The following FAM107B variants were observed in gnomAD, a reference collection of about 807,000 sequenced individuals.
The protein encoded by FAM107B is family with sequence similarity 107 member B, also known as protein FAM107B.
In FAM107B, 21 loss-of-function variants were observed where a neutral mutation model predicts 31.5. The ratio of observed to expected loss-of-function variants is 0.67; its 90% confidence interval spans 0.47 to 0.96. The LOEUF (loss-of-function observed/expected upper bound fraction) is 0.96. Among genes scored for constraint, FAM107B ranks in the 40% least tolerant of loss-of-function variants. The pLI is 0.00. For synonymous variants in FAM107B, 157 were observed against 141.5 expected, an observed-to-expected ratio of 1.11 and a Z score of -0.78; for missense variants, 452 against 377.1, an observed-to-expected ratio of 1.20 and a Z score of -1.64.
rs181656445 is a variant in FAM107B, at chr10:14,693,935, T to G, written c.412-26244A>C. 6.9e-4 allele frequency among the ~76,000 whole-genome samples: 105 copies of G among 152,368 alleles called. 1 individual carries two copies. The highest frequency in any genetic ancestry group is 8.8e-5 in the Non-Finnish European group (6 of 68,036). ...TCTATGTACAGTATTTGTTGTTGGT[T>G]TTTTTAGATTCCACATGAAAATTTG... On this transcript the variant is annotated intron_variant, in intron 1 of 4. Transcript: ENST00000181796.
intron 2 of FAM107B, among the ~76,000 whole-genome samples, chr10:14,629,458 T>A (rs7475993): frequency 0.28 from 15,103 of 53,582 alleles, 2,890 homozygotes; most frequent in East Asian, 0.6. Flanking sequence ...ATATATATAT[T>A]ATATATATAT....
intron 1 of FAM107B, among the ~76,000 whole-genome samples, chr10:14,684,152 T>C (rs1169302664): frequency 6.6e-6 from 1 of 152,142 alleles, no homozygotes; most frequent in African/African-American, 2.4e-5. Context: ...CTGGGGTCTC[T>C]TTTAAACTGG....
In FAM107B at chr10:14,580,526, A is replaced by G. The variant is rs150824891; in HGVS notation, c.470-50011T>C. On this transcript the variant is annotated intron_variant, in intron 2 of 4. Coordinates refer to ENST00000181796, the MANE Select transcript of FAM107B (RefSeq NM_031453.4). ...ATACTATACATTCTTAGAAAAAAAA[A>G]TAAGTATCCATCTTCTCAAGGAAAA... Among the ~76,000 whole-genome samples, 1,024 of 152,300 alleles carry G rather than the reference A, an allele frequency of 6.7e-3. 10 individuals are homozygous for G. The highest frequency in any genetic ancestry group is 0.02 in the Middle Eastern group (6 of 294).
chr10:14,526,529 T>C (rs1253947719), intron 3 of FAM107B, among the ~76,000 whole-genome samples: 1 of 152,244 alleles, frequency 6.6e-6, no homozygotes, highest in Non-Finnish European at 1.5e-5. Flanking sequence ...GCCTGCCTCA[T>C]TTACATTTCT....
intron 1 of FAM107B, among the ~76,000 whole-genome samples, chr10:14,761,316 C>T (rs1332301758): frequency 6.6e-6 from 1 of 152,178 alleles, no homozygotes; most frequent in Non-Finnish European, 1.5e-5. Flanking sequence ...GACAAATCAG[C>T]ATTTGCAATA....
At chr10:14,749,972 C>T (rs879490521) in intron 1 of FAM107B, among the ~76,000 whole-genome samples, 1 of 152,154 alleles carries the variant, frequency 6.6e-6, no homozygotes. Context: ...GCAGGAGGCA[C>T]CTCAGAGGCC....
At chr10:14,628,629 C>T (rs754115681) in intron 2 of FAM107B, among the ~76,000 whole-genome samples, 12 of 151,982 alleles carry the variant, frequency 7.9e-5, no homozygotes, top group Non-Finnish European at 1.6e-4. Context: ...AGGTTAGATC[C>T]GAGTCAAGTC....
intron 2 of FAM107B, among the ~76,000 whole-genome samples, chr10:14,614,352 C>G (rs148292719): frequency 4.9e-4 from 74 of 151,940 alleles, no homozygotes; most frequent in African/African-American, 1.7e-3. Flanking sequence ...ATTTAGTGGT[C>G]GGGGAGCTGC....
chr10:14,729,529 G>A (rs1176517121), intron 1 of FAM107B, among the ~76,000 whole-genome samples: 7 of 152,028 alleles, frequency 4.6e-5, no homozygotes, highest in Non-Finnish European at 2.9e-5. Context: ...GATAAAGGGA[G>A]GGATCAACAC....
chr10:14,583,425 C>T (rs1253885779), intron 2 of FAM107B, among the ~76,000 whole-genome samples: 2 of 152,176 alleles, frequency 1.3e-5, no homozygotes, highest in Non-Finnish European at 2.9e-5. Flanking sequence ...GACCGCAGCA[C>T]AGACCACAGA....
At chr10:14,545,876 T>G (rs748072734) in intron 2 of FAM107B, among the ~76,000 whole-genome samples, 5 of 152,232 alleles carry the variant, frequency 3.3e-5, no homozygotes, top group Non-Finnish European at 5.9e-5. Context: ...CGGTCATTCA[T>G]CTCAGGAAAC....
At chr10:14,571,378 TCAGAGAAAATGCATAATTATC>T (rs1462658284) in intron 2 of FAM107B, among the ~76,000 whole-genome samples, 3 of 152,164 alleles carry the variant, frequency 2.0e-5, no homozygotes, top group Non-Finnish European at 4.4e-5. Flanking sequence ...ATAGATATCT[TCAGAGAAAATGCATAATTATC>T]AGGATCCTAG....
intron 2 of FAM107B, among the ~76,000 whole-genome samples, chr10:14,622,207 G>A (rs900871979): frequency 1.3e-5 from 2 of 152,102 alleles, no homozygotes; most frequent in Non-Finnish European, 2.9e-5. Context: ...TGAGGTCACT[G>A]CCCTCAGCAG....
Position 14,521,021 on chromosome 10 carries a change from T to G in FAM107B, c.*169A>C. Reference sequence around the variant, plus strand: ...ATTTGGCGAATAGGAACTGCAACTGTCACAGGCAAGGCATCCACCCAGATC... The same window carrying G: ...ATTTGGCGAATAGGAACTGCAACTGGCACAGGCAAGGCATCCACCCAGATC... On this transcript the variant is annotated 3_prime_UTR_variant, in exon 5 of 5. Transcript: ENST00000181796. 1 of 594,720 alleles carries G rather than the reference T, an allele frequency of 1.7e-6. No individual in the cohort carries two copies. Among genetic ancestry groups the G allele is most frequent in the Middle Eastern group, 4.6e-4 (1 of 2,160 alleles). The allele number at this position is 594,720 out of a possible 1,614,324, so 36.8% of individuals were successfully genotyped here. A position where few individuals can be genotyped will look rare whatever the true frequency, so the allele number is the denominator to read the frequency against.
At chr10:14,564,625 G>A (rs1030361959) in intron 2 of FAM107B, among the ~76,000 whole-genome samples, 1 of 151,848 alleles carries the variant, frequency 6.6e-6, no homozygotes, top group Non-Finnish European at 1.5e-5. Flanking sequence ...CACCTATTTT[G>A]ACTTCCTCCC....
intron 1 of FAM107B, among the ~76,000 whole-genome samples, chr10:14,689,491 C>G (rs1441778132): frequency 6.6e-6 from 1 of 151,928 alleles, no homozygotes; most frequent in African/African-American, 2.4e-5. Context: ...GCAATGCACT[C>G]AGGAGTCCTG....
chr10:14,581,874 C>T (rs1564585417), intron 2 of FAM107B, among the ~76,000 whole-genome samples: 1 of 152,094 alleles, frequency 6.6e-6, no homozygotes, highest in Non-Finnish European at 1.5e-5. Flanking sequence ...CATCACTGTA[C>T]TCCAGACTGG....
intron 2 of FAM107B, among the ~76,000 whole-genome samples, chr10:14,582,259 T>TA (rs1428727371): frequency 6.6e-6 from 1 of 152,166 alleles, no homozygotes; most frequent in Non-Finnish European, 1.5e-5. Flanking sequence ...GATTAGATAA[T>TA]AAACTGTGAC....
At chr10:14,733,234 T>C (rs1048021330) in intron 1 of FAM107B, among the ~76,000 whole-genome samples, 8 of 152,086 alleles carry the variant, frequency 5.3e-5, no homozygotes, top group African/African-American at 1.9e-4. Context: ...GAATATCAGC[T>C]ATAGTACATG....
Sources: allele counts gnomAD v4.1 joint callset (sites outside exome capture counted in the v4.1 genomes callset), GRCh38; gene constraint gnomAD v4.1.1; transcripts MANE v1.5; gene names NCBI Gene and HGNC (gene_info 2026-07-23, HGNC 2026-07-21).